Variants in TOMM70 observed in about 807,000 individuals in gnomAD.
TOMM70 encodes the protein mitochondrial import receptor subunit TOM70.
Under a neutral mutation model 73.6 loss-of-function variants are expected in TOMM70, and 13 were observed. The ratio of observed to expected loss-of-function variants is 0.18; its 90% confidence interval spans 0.11 to 0.28. TOMM70 has a LOEUF of 0.28. Among genes scored for constraint, TOMM70 ranks in the 10% least tolerant of loss-of-function variants. The pLI is 1.00. For synonymous variants in TOMM70, 257 were observed against 271.2 expected (o/e 0.95, Z 0.51); for missense variants, 609 against 747.5 (o/e 0.81, Z 2.16).
chr3:100,375,865 A>C (rs1316436244), intron 6 of TOMM70, among the ~76,000 whole-genome samples: 1 of 152,154 alleles, frequency 6.6e-6, no homozygotes, highest in African/African-American at 2.4e-5. Context: ...TAACGAACGT[A>C]TTAAATTCTC....
intron 9 of TOMM70, among the ~76,000 whole-genome samples, chr3:100,370,688 A>C (rs1036440771): frequency 2.0e-5 from 3 of 152,194 alleles, no homozygotes; most frequent in Non-Finnish European, 2.9e-5. Flanking sequence ...CTGTATGCAT[A>C]TATAAAGTTA....
intron 5 of TOMM70, among the ~76,000 whole-genome samples, chr3:100,379,144 CTT>C (rs1706601472): frequency 6.6e-6 from 1 of 152,194 alleles, no homozygotes; most frequent in Non-Finnish European, 1.5e-5. Flanking sequence ...CACAGTATCT[CTT>C]ATTATTCTTC....
At chr3:100,372,379 C>T in intron 9 of TOMM70, 1 of 379,862 alleles carries the variant, frequency 2.6e-6, no homozygotes, top group Non-Finnish European at 4.7e-6. Context: ...GAAATTCTCG[C>T]CTTAAGCTTC....
chr3:100,380,113 AGGTG>A (rs1706614134), intron 5 of TOMM70, among the ~76,000 whole-genome samples: 1 of 152,126 alleles, frequency 6.6e-6, no homozygotes, highest in African/African-American at 2.4e-5. Flanking sequence ...TGGAAGGCCG[AGGTG>A]GGTGGATCAC....
intron 1 of TOMM70, among the ~76,000 whole-genome samples, chr3:100,393,124 C>T (rs1317427252): frequency 1.3e-5 from 2 of 149,970 alleles, no homozygotes; most frequent in South Asian, 4.2e-4. Flanking sequence ...TGCAGTAAGC[C>T]GAGATTGTGC....
intron 1 of TOMM70, among the ~76,000 whole-genome samples, chr3:100,399,733 C>CTTTT (rs1706866946): frequency 1.9e-4 from 26 of 139,766 alleles, no homozygotes; most frequent in African/African-American, 6.5e-4. Context: ...AAGTCACTCC[C>CTTTT]ATTTTTTTTT....
intron 1 of TOMM70, among the ~76,000 whole-genome samples, chr3:100,394,526 CAG>C (rs1447921189): frequency 3.3e-5 from 5 of 151,904 alleles, no homozygotes; most frequent in African/African-American, 4.8e-5. Flanking sequence ...TTTTTTGAGA[CAG>C]AGTTTTGCTC....
intron 7 of TOMM70, 32 bp downstream of exon 7, chr3:100,374,986 A>G: frequency 1.3e-6 from 2 of 1,547,038 alleles, no homozygotes; most frequent in East Asian, 4.7e-5. Flanking sequence ...TCAATCCACA[A>G]GTCAGACCTC....
chr3:100,399,009 C>T (rs1195505906), intron 1 of TOMM70, among the ~76,000 whole-genome samples: 1 of 152,114 alleles, frequency 6.6e-6, no homozygotes, highest in African/African-American at 2.4e-5. Context: ...CGCCCGGGCG[C>T]GGTGGCTCAC....
At chr3:100,400,265 T>C (rs1282756480) in intron 1 of TOMM70, among the ~76,000 whole-genome samples, 2 of 152,118 alleles carry the variant, frequency 1.3e-5, no homozygotes, top group Non-Finnish European at 2.9e-5. Flanking sequence ...ACAGAAACAG[T>C]TCGTATCACG....
chr3:100,396,623 A>G (rs977580579), intron 1 of TOMM70, among the ~76,000 whole-genome samples: 2 of 152,198 alleles, frequency 1.3e-5, no homozygotes, highest in Non-Finnish European at 2.9e-5. Flanking sequence ...ACTATGGATA[A>G]TATGATCTTC....
chr3:100,365,251 TA>T lies in TOMM70; in HGVS notation c.*312del, dbSNP rs11332311. 0.14 allele frequency: 33,143 copies of T among 243,554 alleles called. 4,163 individuals carry two copies. The highest frequency in any genetic ancestry group is 0.46 in the East Asian group (5,614 of 12,278). The allele number at this position is 243,554 out of a possible 1,614,324, so 15.1% of individuals were successfully genotyped here. A position where few individuals can be genotyped will look rare whatever the true frequency, so the allele number is the denominator to read the frequency against. ...AACATAATCAACTGCCAACCCCCCT[TA>T]AAAAAAAAATCAACAAATCAGTTTT... On this transcript the variant is annotated 3_prime_UTR_variant, in exon 12 of 12. Transcript: ENST00000284320.
chr3:100,390,380 G>T (rs970201428), intron 1 of TOMM70, among the ~76,000 whole-genome samples: 5 of 152,190 alleles, frequency 3.3e-5, no homozygotes, highest in Admixed American at 3.3e-4. Flanking sequence ...GTCAATAACA[G>T]ACTGAATATA....
At chr3:100,367,512 G>A (rs1203278109) in intron 11 of TOMM70, among the ~76,000 whole-genome samples, 1 of 151,988 alleles carries the variant, frequency 6.6e-6, no homozygotes, top group African/African-American at 2.4e-5. Context: ...GTTAAATTAG[G>A]GATCATATAA....
intron 5 of TOMM70, among the ~76,000 whole-genome samples, chr3:100,380,085 C>A (rs570775515): frequency 6.6e-6 from 1 of 152,188 alleles, no homozygotes; most frequent in African/African-American, 2.4e-5. Context: ...GTGGCTCACA[C>A]CTGTAATTCC....
At chr3:100,371,457 G>T (rs897078487) in intron 9 of TOMM70, among the ~76,000 whole-genome samples, 1 of 148,784 alleles carries the variant, frequency 6.7e-6, no homozygotes, top group African/African-American at 2.5e-5. Flanking sequence ...AGTAGAGATG[G>T]GGTTTCTCCA....
Position 100,368,585 on chromosome 3 carries a change from G to GT in TOMM70, c.1551-420dup, listed in dbSNP as rs201456510. ...ATAGTACATTAATTTCTTTCTTTTT[G>GT]TTTTTTTTGGGACAGAGCCTCACTC... is the stretch of plus-strand genomic sequence containing the variant. On this transcript the variant is annotated intron_variant, in intron 10 of 11. Coordinates refer to ENST00000284320, the MANE Select transcript of TOMM70 (RefSeq NM_014820.5). Among the ~76,000 whole-genome samples the GT allele has an allele frequency of 2.8e-3, 422 of 151,824 alleles. 4 individuals carry two copies. Among genetic ancestry groups the GT allele is most frequent in the African/African-American group, 9.5e-3 (393 of 41,416 alleles).
At chr3:100,394,378 TGAGATA>T (rs1473144982) in intron 1 of TOMM70, among the ~76,000 whole-genome samples, 1 of 149,520 alleles carries the variant, frequency 6.7e-6, no homozygotes, top group Non-Finnish European at 1.5e-5. Context: ...TTTTTTTTTT[TGAGATA>T]GAGTTTTGCT....
chr3:100,400,535 G>A, intron 1 of TOMM70, 91 bp downstream of exon 1: 1 of 1,444,754 alleles, frequency 6.9e-7, no homozygotes, highest in Non-Finnish European at 9.5e-7. Context: ...GGCAGCTTCC[G>A]TCTGATGGGA....
Sources: gnomAD v4.1 joint callset for allele counts (sites outside exome capture counted in the v4.1 genomes callset) on GRCh38, gnomAD v4.1.1 for gene constraint, MANE v1.5 for transcripts, NCBI Gene and HGNC (gene_info 2026-07-23, HGNC 2026-07-21) for gene names.